PCNT: variants seen among roughly 807,000 people sequenced by gnomAD.
PCNT encodes kendrin.
PCNT carries 319 observed loss-of-function variants against 380.4 expected under a neutral mutation model. The ratio of observed to expected loss-of-function variants is 0.84; its 90% CI spans 0.77 to 0.92. The LOEUF (loss-of-function observed/expected upper bound fraction) is 0.92. Ranked by LOEUF, PCNT falls within the 40% of genes least tolerant of loss-of-function variation. PCNT has a pLI of 0.00. For synonymous variants in PCNT, 1,845 were observed against 1,735.2 expected (o/e 1.06, Z -1.57); for missense variants, 4,400 against 4,255.3 (o/e 1.03, Z -0.95).
intron 28 of PCNT, 50 bp from the exon 29 acceptor site, chr21:46,412,787 C>T (rs2086832031): frequency 1.2e-6 from 2 of 1,600,146 alleles, no homozygotes; most frequent in Non-Finnish European, 8.5e-7. Flanking sequence ...AGGGGCAGCC[C>T]CAGCAACAGC....
At position 46,334,806 on chromosome 21, in the gene PCNT, C is replaced by T. The variant is rs771781310; in HGVS notation, c.639+38C>T. 9 of 1,613,898 alleles carry T rather than the reference C, an allele frequency of 5.6e-6. No homozygotes were observed. The Admixed American group carries it at 1.0e-4, about 18-fold the overall frequency. On this transcript the variant is annotated intron_variant, in intron 3 of 46. Transcript: ENST00000359568. ...TTCTCTGTTAAGGTGTATTCTTTGT[C>T]AAAAGATTTCTTTATGTTGTAGAAA... is the stretch of plus-strand genomic sequence containing the variant.
chr21:46,378,002 G>C (rs1159976066), intron 15 of PCNT, among the ~76,000 whole-genome samples: 1 of 152,116 alleles, frequency 6.6e-6, no homozygotes, highest in Non-Finnish European at 1.5e-5. Flanking sequence ...TTCACTTTGT[G>C]TGTTTCCCAG....
intron 13 of PCNT, among the ~76,000 whole-genome samples, chr21:46,362,734 A>G (rs1337021544): frequency 6.6e-6 from 1 of 152,080 alleles, no homozygotes; most frequent in Middle Eastern, 3.2e-3. Flanking sequence ...GCTTGAGCTC[A>G]GGAGTTCAAG....
rs776398638 is a variant in PCNT, at chr21:46,356,960, C to T, written c.1937-14C>T. 2.5e-6 allele frequency: 4 copies of T among 1,612,616 alleles called. No individual in the cohort carries two copies. Among genetic ancestry groups the T allele is most frequent in the African/African-American group, 2.7e-5 (2 of 74,908 alleles). On this transcript the variant is annotated splice_polypyrimidine_tract_variant and intron_variant, in intron 12 of 46. Transcript: ENST00000359568. ...CACCGGCCTGACTGTCTTCCCTGCT[C>T]CTTTTCCACACAGAGCTTCCCTGGG...
chr21:46,333,625 G>A (rs1403129077), intron 2 of PCNT, among the ~76,000 whole-genome samples: 1 of 151,764 alleles, frequency 6.6e-6, no homozygotes, highest in African/African-American at 2.4e-5. Flanking sequence ...TACAGGCTGG[G>A]CACGGTTACT....
rs1228548680 is a variant in PCNT, at chr21:46,427,739, G to A, written c.7438G>A (p.Asp2480Asn). ...VELQPRLSGS[D>N]LGGHSSLLER... is the part of the protein sequence containing the mutation. ...GCTGCAGCCCCGACTCAGTGGCTCA[G>A]ATCTGGGGGGTCACAGCTCCCTGCT... is the stretch of plus-strand genomic sequence containing the variant. Residue 2480 changes from aspartate (D) to asparagine (N), a missense_variant, in exon 34 of 47, where the codon GAT (aspartate) becomes AAT (asparagine). Transcript: ENST00000359568. The A allele has an allele frequency of 2.5e-6, 4 of 1,613,732 alleles. No homozygotes were observed. Among genetic ancestry groups the A allele is most frequent in the Non-Finnish European group, 3.4e-6 (4 of 1,180,046 alleles).
chr21:46,351,147 G>A (rs763209063), intron 8 of PCNT, among the ~76,000 whole-genome samples: 4 of 152,258 alleles, frequency 2.6e-5, no homozygotes, highest in East Asian at 1.9e-4. Flanking sequence ...CGCTGCGGCC[G>A]GCATGGAACC....
chr21:46,443,934 A>C lies in PCNT; in HGVS notation c.9825A>C (p.Pro3275=), dbSNP rs766386244. The C allele has an allele frequency of 6.2e-7, 1 of 1,612,202 alleles. No individual in the cohort carries two copies. Among genetic ancestry groups the C allele is most frequent in the East Asian group, 2.2e-5 (1 of 44,878 alleles). ...RGRRLAAAAS[P]HSGGRATPSP... ...GCAGACTGGCAGCAGCAGCCTCCCC[A>C]CACAGTGGGGGAAGGTCAGTGTGAT... is the stretch of plus-strand genomic sequence containing the variant. The change falls in exon 45 of 47, where the codon CCA becomes CCC. Residue 3275 remains proline (P), a synonymous_variant. Transcript: ENST00000359568.
chr21:46,389,153 G>C (rs181343887), intron 18 of PCNT, 46 bp from the exon 19 acceptor site: 2 of 1,577,418 alleles, frequency 1.3e-6, no homozygotes, highest in East Asian at 4.5e-5. Flanking sequence ...GGCCGCGGCC[G>C]GCTTGCTCAC....
Position 46,402,334 on chromosome 21 carries a change from T to G in PCNT, c.4966T>G (p.Leu1656Val), listed in dbSNP as rs1487465765. 1 of 1,597,024 alleles carries G rather than the reference T, an allele frequency of 6.3e-7. No individual in the cohort carries two copies. Residue 1656 changes from leucine to valine, a missense_variant, in exon 27 of 47, where the codon TTG becomes GTG. By Grantham distance (32) the Leu-to-Val change is conservative (BLOSUM62 1). Coordinates refer to ENST00000359568, the MANE Select transcript of PCNT (RefSeq NM_006031.6). Reference protein sequence around the residue: ...RALLRRESEVLDLKEQLEKMK... With the variant: ...RALLRRESEVVDLKEQLEKMK... ...TCTTCTTTTGTTTTAATGAAAGGTT[T>G]TGGACTTAAAAGAACAGCTAGAAAA...
chr21:46,380,502 CA>C (rs1293609727), intron 15 of PCNT, among the ~76,000 whole-genome samples: 1 of 151,818 alleles, frequency 6.6e-6, no homozygotes, highest in East Asian at 1.9e-4. Context: ...CTGACCCAGT[CA>C]CGGCAGCAAG....
rs764071095 is a variant in PCNT at position 46,401,536 on chromosome 21, T to C, written c.4792-15T>C. ...CAAATATTTGCCTAAAATAGAGTTCTTTTTTTTTTAATAGGATAAAGAGGT... is the reference window on the plus strand; with the variant it reads ...CAAATATTTGCCTAAAATAGAGTTCCTTTTTTTTTAATAGGATAAAGAGGT... On this transcript the variant is annotated splice_polypyrimidine_tract_variant and intron_variant, in intron 25 of 46. Transcript: ENST00000359568. 8.3e-6 allele frequency: 11 copies of C among 1,331,000 alleles called. No individual in the cohort carries two copies. The highest frequency in any genetic ancestry group is 1.0e-5 in the Non-Finnish European group (10 of 953,138). The allele number at this position is 1,331,000 out of a possible 1,614,324, so 82.4% of individuals were successfully genotyped here.
chr21:46,337,453 C>T (rs1365777892), intron 3 of PCNT, among the ~76,000 whole-genome samples: 2 of 152,230 alleles, frequency 1.3e-5, no homozygotes, highest in African/African-American at 4.8e-5. Context: ...TCAGGTCACT[C>T]CTCTCTTCCC....
chr21:46,366,674 G>A lies in PCNT; in HGVS notation c.2700G>A (p.Glu900=), dbSNP rs1490453140. ...AGGCCCAGGAGCAGCATGCCCGTGA[G>A]CTGCAGCTCCTCCAGGAGAGACACC... ...LQEAQEQHAR[E]LQLLQERHQQ... The change falls in exon 15 of 47, where the codon GAG becomes GAA. Residue 900 remains glutamate, a synonymous_variant. Coordinates refer to ENST00000359568, the MANE Select transcript of PCNT (RefSeq NM_006031.6). 6.2e-7 allele frequency: 1 copy of A among 1,613,902 alleles called. No homozygotes were observed. The highest frequency in any genetic ancestry group is 1.7e-5 in the Admixed American group (1 of 60,030).
Position 46,418,339 on chromosome 21 carries a change from A to C in PCNT, c.7024+33A>C, listed in dbSNP as rs2087112663. The C allele has an allele frequency of 4.0e-6, 5 of 1,249,116 alleles. No homozygotes were observed. In the East Asian group the frequency reaches 1.2e-4, roughly 29 times the overall value. The allele number at this position is 1,249,116 out of a possible 1,614,324, so 77.4% of individuals were successfully genotyped here. A position where few individuals can be genotyped will look rare whatever the true frequency, so the allele number is the denominator to read the frequency against. On this transcript the variant is annotated intron_variant, in intron 31 of 46. Coordinates refer to ENST00000359568, the MANE Select transcript of PCNT (RefSeq NM_006031.6). ...GGTTATCTTTCATTTTTAATTTTTT[A>C]TTTCAGTGGTTTCCTAGCACAGAAT...
intron 26 of PCNT, 58 bp from the exon 27 acceptor site, chr21:46,402,273 A>T: frequency 8.8e-7 from 1 of 1,138,776 alleles, no homozygotes; most frequent in Non-Finnish European, 1.2e-6. Context: ...CTTAATTATT[A>T]ATATTAATAG....
At chr21:46,370,449 G>T (rs991089520) in intron 15 of PCNT, among the ~76,000 whole-genome samples, 1 of 151,580 alleles carries the variant, frequency 6.6e-6, no homozygotes, top group Non-Finnish European at 1.5e-5. Flanking sequence ...CAGCTGGGGG[G>T]ATAGTGAGGG....
chr21:46,399,913 C>G (rs2086364557), intron 25 of PCNT, 117 bp downstream of exon 25: 1 of 860,090 alleles, frequency 1.2e-6, no homozygotes, highest in Non-Finnish European at 2.0e-6. Context: ...GCCACCACGT[C>G]TGCACCAGAA....
chr21:46,410,124 GCACACAGTAAGGCAC>G (rs1811763965), intron 27 of PCNT, among the ~76,000 whole-genome samples: 1 of 152,236 alleles, frequency 6.6e-6, no homozygotes. Flanking sequence ...GGCCGGTGCC[GCACACAGTAAGGCAC>G]GCGACGGGGA....
Sources: allele counts gnomAD v4.1 joint callset (sites outside exome capture counted in the v4.1 genomes callset), GRCh38; gene constraint gnomAD v4.1.1; transcripts MANE v1.5; gene names NCBI Gene and HGNC (gene_info 2026-07-23, HGNC 2026-07-21).